The following KMT2C variants were observed in gnomAD, a reference collection of about 807,000 sequenced individuals.
KMT2C encodes the protein lysine methyltransferase 2C.
A neutral mutation model predicts 507.9 loss-of-function variants in KMT2C; 88 were observed. The ratio of observed to expected loss-of-function variants is 0.17; its 90% confidence interval spans 0.15 to 0.21. KMT2C has a LOEUF of 0.21. Among genes scored for constraint, KMT2C ranks in the 10% least tolerant of loss-of-function variants. The probability of loss-of-function intolerance (pLI) is 1.00; values close to 1 mark genes in which losing one functional copy is unlikely to be tolerated. For missense variants in KMT2C, 4,954 were observed against 5,957.8 expected (o/e 0.83, Z 5.55); for synonymous variants, 2,049 against 2,080.8 (o/e 0.98, Z 0.42).
In KMT2C at chr7:152,176,436, G is replaced by C. The variant is rs2129113047; in HGVS notation, c.9017C>G (p.Thr3006Arg). Residue 3006 changes from threonine to arginine, a missense_variant, in exon 38 of 59, where the codon ACA becomes AGA. Around this residue, in one of 29 missense-constraint regions of KMT2C, gnomAD observed 1,689 missense variants for 1,654.3 expected, o/e 1.02. Coordinates refer to ENST00000262189, the MANE Select transcript of KMT2C (RefSeq NM_170606.3). Reference sequence around the variant, plus strand: ...CCCAGTTTGAGTTGCAGGTTTTCCTGTCCCCAGACTGTGGTTAACTGTTGA... The same window carrying C: ...CCCAGTTTGAGTTGCAGGTTTTCCTCTCCCCAGACTGTGGTTAACTGTTGA... Reference protein sequence around the residue: ...GQSTVNHSLGTGKPATQTGPQ... With the variant: ...GQSTVNHSLGRGKPATQTGPQ... 1 of 1,614,166 alleles carries C rather than the reference G, an allele frequency of 6.2e-7. No homozygotes were observed. The highest frequency in any genetic ancestry group is 8.5e-7 in the Non-Finnish European group (1 of 1,180,036).
chr7:152,252,624 T>A lies in KMT2C; in HGVS notation c.1391A>T (p.Asp464Val). The change falls in exon 10 of 59, where the codon GAT becomes GTT. Residue 464 changes from aspartate to valine, a missense_variant. By Grantham distance (152) the Asp-to-Val change is radical. Around this residue, in one of 29 missense-constraint regions of KMT2C, gnomAD observed 376 missense variants for 352.4 expected, o/e 1.07. Coordinates refer to ENST00000262189, the MANE Select transcript of KMT2C (RefSeq NM_170606.3). ...LICDNCYQQQ[D>V]NLCPFCGKCY... ...CTTCCCACAGAAGGGACATAAGTTA[T>A]CCTGCTGTTGGTAACAATTGTCACA... is the stretch of plus-strand genomic sequence containing the variant. The A allele has an allele frequency of 6.2e-7, 1 of 1,613,364 alleles. No homozygotes were observed. The highest frequency in any genetic ancestry group is 8.5e-7 in the Non-Finnish European group (1 of 1,179,348).
chr7:152,183,655 G>A (rs546998026), intron 34 of KMT2C, among the ~76,000 whole-genome samples: 1 of 152,282 alleles, frequency 6.6e-6, no homozygotes, highest in African/African-American at 2.4e-5. Flanking sequence ...CCAGTACTTT[G>A]GGAGGCTGAG....
At chr7:152,204,638 GA>G (rs1657566670) in intron 25 of KMT2C, among the ~76,000 whole-genome samples, 1 of 151,552 alleles carries the variant, frequency 6.6e-6, no homozygotes, top group Non-Finnish European at 1.5e-5. Flanking sequence ...TAGATAGATA[GA>G]CAGACAGATA....
intron 9 of KMT2C, among the ~76,000 whole-genome samples, chr7:152,257,148 T>C (rs1162463614): frequency 2.6e-5 from 4 of 152,294 alleles, no homozygotes; most frequent in Middle Eastern, 6.8e-3. Context: ...ATAGCACAGA[T>C]ACACAATGGA....
chr7:152,151,924 G>A (rs897104132), intron 49 of KMT2C, among the ~76,000 whole-genome samples: 2 of 152,164 alleles, frequency 1.3e-5, no homozygotes, highest in African/African-American at 4.8e-5. Flanking sequence ...GGTTAAGATG[G>A]TAAAAAAACA....
rs963048715 is a variant in KMT2C at position 152,203,184 on chromosome 7, G to C, written c.3962-120C>G. ...TTTCATATAAACAAACAAGCTTTTT[G>C]AACAAAAAAATCTCAAATCAAGTTT... is the stretch of plus-strand genomic sequence containing the variant. On this transcript the variant is annotated intron_variant, in intron 25 of 58. Transcript: ENST00000262189. 7.0e-6 allele frequency: 5 copies of C among 715,506 alleles called. No individual in the cohort carries two copies. The South Asian group carries it at 1.4e-4, about 20-fold the overall frequency. 44.3% of individuals were successfully genotyped at this position (715,506 alleles called of 1,614,324 possible).
chr7:152,368,154 T>C (rs1197520242), intron 1 of KMT2C: 1 of 922,350 alleles, frequency 1.1e-6, no homozygotes, highest in Non-Finnish European at 1.8e-6. Context: ...GGCAGTATCC[T>C]TGGGGTGCTG....
intron 15 of KMT2C, among the ~76,000 whole-genome samples, chr7:152,237,206 C>A (rs539565543): frequency 6.6e-6 from 1 of 152,244 alleles, no homozygotes; most frequent in Non-Finnish European, 1.5e-5. Context: ...GTCATATCTT[C>A]AACTGATGTC....
At chr7:152,157,227 T>TTGAGGCACTAGAA (rs2092114944) in intron 44 of KMT2C, among the ~76,000 whole-genome samples, 1 of 151,352 alleles carries the variant, frequency 6.6e-6, no homozygotes, top group African/African-American at 2.4e-5. Flanking sequence ...ACTTGGTAGG[T>TTGAGGCACTAGAA]TGAGGCACTA....
intron 25 of KMT2C, among the ~76,000 whole-genome samples, chr7:152,203,722 G>A (rs2094213366): frequency 6.6e-6 from 1 of 152,056 alleles, no homozygotes; most frequent in Admixed American, 6.5e-5. Flanking sequence ...CAGGGCAAAT[G>A]GCACATCCCT....
At chr7:152,273,362 T>C (rs1001387815) in intron 7 of KMT2C, among the ~76,000 whole-genome samples, 1 of 152,198 alleles carries the variant, frequency 6.6e-6, no homozygotes, top group Non-Finnish European at 1.5e-5. Flanking sequence ...GGCTTTTTAG[T>C]GTTGATTGAC....
intron 7 of KMT2C, among the ~76,000 whole-genome samples, chr7:152,267,692 G>A (rs10231758): frequency 0.14 from 21,018 of 150,912 alleles, 3,821 homozygotes; most frequent in African/African-American, 0.42. Context: ...ATCATTTTCT[G>A]CACATCCAGA....
intron 2 of KMT2C, among the ~76,000 whole-genome samples, chr7:152,344,974 G>A (rs1007859897): frequency 1.2e-4 from 18 of 152,064 alleles, no homozygotes; most frequent in African/African-American, 4.3e-4. Flanking sequence ...GCAACAGAGT[G>A]AGACTCTGTC....
chr7:152,360,906 T>C (rs1214476648), intron 1 of KMT2C, among the ~76,000 whole-genome samples: 1 of 150,012 alleles, frequency 6.7e-6, no homozygotes, highest in African/African-American at 2.5e-5. Context: ...ATTAAACTAC[T>C]AAAAACTATC....
Position 152,147,969 on chromosome 7 carries a change from A to G in KMT2C, c.13894+64T>C, listed in dbSNP as rs1423146673. 6 of 1,467,828 alleles carry G rather than the reference A, an allele frequency of 4.1e-6. No homozygotes were observed. The African/African-American group carries it at 8.5e-5, about 21-fold the overall frequency. 90.9% of individuals were successfully genotyped at this position (1,467,828 alleles called of 1,614,324 possible). ...GAGACAAACATGGAAAATTGACAAA[A>G]TACATTCATTAGCCTGACATCAGAG... is the stretch of plus-strand genomic sequence containing the variant. On this transcript the variant is annotated intron_variant, in intron 52 of 58. Coordinates refer to ENST00000262189, the MANE Select transcript of KMT2C (RefSeq NM_170606.3).
chr7:152,358,988 TCTAC>T (rs1440845362), intron 1 of KMT2C, among the ~76,000 whole-genome samples: 1 of 152,174 alleles, frequency 6.6e-6, no homozygotes, highest in Admixed American at 6.5e-5. Flanking sequence ...TCTCCCTCTG[TCTAC>T]AGTAGTGGCT....
intron 34 of KMT2C, among the ~76,000 whole-genome samples, chr7:152,183,589 C>T (rs2093506666): frequency 6.6e-6 from 1 of 151,962 alleles, no homozygotes; most frequent in Admixed American, 6.6e-5. Context: ...TGGTGAAACC[C>T]CACCTCTACT....
intron 14 of KMT2C, among the ~76,000 whole-genome samples, chr7:152,239,491 G>A (rs1271373503): frequency 3.3e-5 from 5 of 152,148 alleles, no homozygotes; most frequent in South Asian, 2.1e-4. Context: ...ACATCCAATG[G>A]ACAAAAGTGA....
At chr7:152,272,784 T>C (rs2096001483) in intron 7 of KMT2C, among the ~76,000 whole-genome samples, 1 of 152,176 alleles carries the variant, frequency 6.6e-6, no homozygotes, top group Admixed American at 6.5e-5. Flanking sequence ...AAAAGGGTAA[T>C]GATCATGTAG....
Sources: gnomAD v4.1 joint callset for allele counts (sites outside exome capture counted in the v4.1 genomes callset) on GRCh38, gnomAD v4.1.1 for gene constraint, gnomAD v4.1.1 regional missense constraint, MANE v1.5 for transcripts, NCBI Gene and HGNC (gene_info 2026-07-23, HGNC 2026-07-21) for gene names.